Variants in RNF121 observed in about 807,000 individuals in gnomAD.
RNF121 encodes ring finger protein 121.
A neutral mutation model predicts 46.5 loss-of-function variants in RNF121; 21 were observed. The ratio of observed to expected loss-of-function variants is 0.45; its 90% CI spans 0.32 to 0.65. RNF121 has a LOEUF of 0.65. Among genes scored for constraint, RNF121 ranks in the 30% least tolerant of loss-of-function variants. The probability of loss-of-function intolerance (pLI) is 0.04; values close to 1 mark genes in which losing one functional copy is unlikely to be tolerated. For missense variants in RNF121, 346 were observed against 416.0 expected (o/e 0.83, Z 1.46); for synonymous variants, 139 against 144.7 (o/e 0.96, Z 0.28).
intron 1 of RNF121, among the ~76,000 whole-genome samples, chr11:71,947,465 A>T (rs1163698755): frequency 7.0e-6 from 1 of 141,894 alleles, no homozygotes; most frequent in Non-Finnish European, 1.5e-5. Context: ...CTACAACCTG[A>T]GTGACAAAGA....
rs927642455 is a variant in RNF121, at chr11:71,957,215, G to A, written c.64-12G>A. On this transcript the variant is annotated splice_polypyrimidine_tract_variant and intron_variant, in intron 1 of 8. Transcript: ENST00000361756. ...GACAGTAACGGATTTTTCTGGTGGTGTCTTTCTACAGGTTGATATGTCAGA... is the reference window on the plus strand; with the variant it reads ...GACAGTAACGGATTTTTCTGGTGGTATCTTTCTACAGGTTGATATGTCAGA... The A allele has an allele frequency of 2.5e-6, 4 of 1,584,446 alleles. No individual in the cohort carries two copies. Among genetic ancestry groups the A allele is most frequent in the Non-Finnish European group, 3.5e-6 (4 of 1,152,920 alleles).
intron 3 of RNF121, among the ~76,000 whole-genome samples, chr11:71,973,288 T>C (rs972031465): frequency 1.3e-5 from 2 of 150,278 alleles, no homozygotes; most frequent in Admixed American, 1.3e-4. Context: ...AGCCCAGGAG[T>C]TTGAGACCAG....
At position 71,947,495 on chromosome 11, in the gene RNF121, A is replaced by AG. The variant is rs1953754943; in HGVS notation, c.64-9730dup. 3.3e-5 allele frequency among the ~76,000 whole-genome samples: 5 copies of AG among 151,252 alleles called. No individual in the cohort carries two copies. The South Asian group carries it at 1.1e-3, about 32-fold the overall frequency. ...CAAAGACCTGTCTCAAAAAAAAAAA[A>AG]GGAATTGGGCAGTGAAGGAGTGAAG... On this transcript the variant is annotated intron_variant, in intron 1 of 8. Coordinates refer to ENST00000361756, the MANE Select transcript of RNF121 (RefSeq NM_018320.5).
At chr11:71,987,931 C>G (rs917705931) in intron 5 of RNF121, among the ~76,000 whole-genome samples, 1 of 152,204 alleles carries the variant, frequency 6.6e-6, no homozygotes, top group Non-Finnish European at 1.5e-5. Context: ...AGGAACACAT[C>G]CAGTTTCAAG....
At chr11:71,973,737 A>G (rs1472347130) in intron 3 of RNF121, among the ~76,000 whole-genome samples, 1 of 151,596 alleles carries the variant, frequency 6.6e-6, no homozygotes, top group African/African-American at 2.4e-5. Flanking sequence ...CAGTGAGTCA[A>G]GATCCTGCCA....
chr11:71,938,520 T>C (rs1462014967), intron 1 of RNF121, among the ~76,000 whole-genome samples: 2 of 151,996 alleles, frequency 1.3e-5, no homozygotes, highest in East Asian at 1.9e-4. Flanking sequence ...GGTTTCTCCA[T>C]GTTGGTCAGG....
At chr11:71,992,108 T>C (rs760803119) in intron 6 of RNF121, among the ~76,000 whole-genome samples, 1 of 152,154 alleles carries the variant, frequency 6.6e-6, no homozygotes, top group Non-Finnish European at 1.5e-5. Context: ...TGTCTCTAAA[T>C]AAGTAAAAAT....
chr11:71,929,341 G>C (rs774218572), intron 1 of RNF121, among the ~76,000 whole-genome samples: 4 of 151,788 alleles, frequency 2.6e-5, no homozygotes, highest in Non-Finnish European at 5.9e-5. Flanking sequence ...AGCCTCAAGG[G>C]TGAAGATGGA....
chr11:71,978,068 G>GT, intron 3 of RNF121: 1 of 300,082 alleles, frequency 3.3e-6, no homozygotes, highest in Non-Finnish European at 6.7e-6. Context: ...AAAATTTTTT[G>GT]TATTTTTTTT....
At chr11:71,966,630 C>T (rs561052484) in intron 3 of RNF121, among the ~76,000 whole-genome samples, 4 of 151,640 alleles carry the variant, frequency 2.6e-5, no homozygotes, top group African/African-American at 4.8e-5. Context: ...TACAGGTACA[C>T]ACCACCACGC....
chr11:71,980,688 T>C (rs1382116117), intron 3 of RNF121, among the ~76,000 whole-genome samples: 1 of 152,142 alleles, frequency 6.6e-6, no homozygotes, highest in Non-Finnish European at 1.5e-5. Context: ...TATAAGAGAA[T>C]GGTAGCTACA....
chr11:71,949,434 G>A (rs1374721010), intron 1 of RNF121, among the ~76,000 whole-genome samples: 2 of 151,976 alleles, frequency 1.3e-5, no homozygotes, highest in Non-Finnish European at 2.9e-5. Flanking sequence ...ACAAAAACAG[G>A]CCAGGCATGG....
intron 1 of RNF121, among the ~76,000 whole-genome samples, chr11:71,941,209 T>A (rs898683259): frequency 2.5e-4 from 38 of 152,304 alleles, no homozygotes; most frequent in African/African-American, 8.9e-4. Flanking sequence ...TTAGGAGATA[T>A]TGCAGTAGTT....
At chr11:71,987,755 G>A (rs10898812) in intron 5 of RNF121, among the ~76,000 whole-genome samples, 140,168 of 152,274 alleles carry the variant, frequency 0.92, 64,814 homozygotes, top group Non-Finnish European at 0.98. Context: ...CTACATGACC[G>A]TGGTTGGCTA....
At chr11:71,929,850 G>C (rs758858539) in intron 1 of RNF121, among the ~76,000 whole-genome samples, 7 of 152,210 alleles carry the variant, frequency 4.6e-5, no homozygotes, top group Non-Finnish European at 8.8e-5. Flanking sequence ...CATTGCATTA[G>C]AGATATAATG....
intron 1 of RNF121, among the ~76,000 whole-genome samples, chr11:71,931,079 C>T (rs1365047662): frequency 6.6e-6 from 1 of 152,152 alleles, no homozygotes; most frequent in African/African-American, 2.4e-5. Context: ...GGTGAGCCGC[C>T]GATCTTGTCC....
chr11:71,988,650 A>AG (rs1954811781), intron 5 of RNF121, among the ~76,000 whole-genome samples: 1 of 150,384 alleles, frequency 6.6e-6, no homozygotes, highest in Admixed American at 6.6e-5. Context: ...TAAAAAAAAA[A>AG]AAAAAGAAAG....
intron 3 of RNF121, among the ~76,000 whole-genome samples, chr11:71,969,383 A>C (rs1278397181): frequency 4.6e-5 from 7 of 152,302 alleles, no homozygotes; most frequent in African/African-American, 2.4e-5. Flanking sequence ...GGTAAGGATG[A>C]AGCTTAGCAG....
intron 3 of RNF121, among the ~76,000 whole-genome samples, chr11:71,979,134 G>A (rs918873935): frequency 2.4e-4 from 36 of 152,338 alleles, no homozygotes; most frequent in African/African-American, 8.2e-4. Context: ...ATGGTTGAAT[G>A]AGTGAGTGGG....
Sources: allele counts gnomAD v4.1 joint callset (sites outside exome capture counted in the v4.1 genomes callset), GRCh38; gene constraint gnomAD v4.1.1; transcripts MANE v1.5; gene names NCBI Gene and HGNC (gene_info 2026-07-23, HGNC 2026-07-21).